PNPLA5: variants seen among roughly 807,000 people sequenced by gnomAD.
PNPLA5 encodes patatin-like phospholipase domain-containing protein 5.
A neutral mutation model predicts 49.1 loss-of-function variants in PNPLA5; 44 were observed. The observed-to-expected ratio is 0.90, with a 90% CI of 0.70 to 1.15. The LOEUF (loss-of-function observed/expected upper bound fraction) is 1.15, where lower values mean the gene tolerates loss of function less well. Ranked by LOEUF, PNPLA5 falls within the 50% of genes most tolerant of loss-of-function variation. The pLI, the probability that PNPLA5 is intolerant of heterozygous loss-of-function variation, is 0.00. For synonymous variants in PNPLA5, 243 were observed against 244.4 expected, an observed-to-expected ratio of 0.99 and a Z score of 0.06; for missense variants, 603 against 564.0, an observed-to-expected ratio of 1.07 and a Z score of -0.70.
intron 6 of PNPLA5, among the ~76,000 whole-genome samples, chr22:43,884,714 C>G (rs1339215152): frequency 1.6e-5 from 2 of 127,054 alleles, no homozygotes; most frequent in African/African-American, 5.4e-5. Context: ...GACAGATGCT[C>G]TCACCACACT....
chr22:43,886,374 T>G lies in PNPLA5; in HGVS notation c.878A>C (p.Asn293Thr). 1 of 1,614,130 alleles carries G rather than the reference T, an allele frequency of 6.2e-7. No homozygotes were observed. ...GACTTGCACATGGGGCACTTTCCAG[T>G]TGAGAGACAGGCCCCCCTTCCAGCG... ...DQRWKGGLSL[N>T]WKVPHVQVKD... The change falls in exon 6 of 9, where the codon AAC becomes ACC. Residue 293 changes from asparagine to threonine, a missense_variant. Physicochemically the swap from Asn to Thr is moderately conservative, Grantham distance 65. Coordinates refer to ENST00000216177, the MANE Select transcript of PNPLA5 (RefSeq NM_138814.4).
Position 43,887,728 on chromosome 22 carries a change from T to C in PNPLA5, c.703-77A>G, listed in dbSNP as rs868340572. 57 of 1,550,918 alleles carry C rather than the reference T, an allele frequency of 3.7e-5. 1 individual carries two copies. The Middle Eastern group carries it at 1.5e-3, about 41-fold the overall frequency. On this transcript the variant is annotated intron_variant, in intron 4 of 8. Coordinates refer to ENST00000216177, the MANE Select transcript of PNPLA5 (RefSeq NM_138814.4). ...CGAGTGGATGTCACAGGCCAGAGAC[T>C]TATCTTCAACTGGAAATAGTCCCAG...
chr22:43,881,863 G>T, intron 7 of PNPLA5, 189 bp from the exon 8 acceptor site: 1 of 695,830 alleles, frequency 1.4e-6, no homozygotes, highest in Non-Finnish European at 1.8e-6. Flanking sequence ...CACCTGCAGG[G>T]TTGGAAAGAT....
chr22:43,889,961 A>G (rs1304417122), intron 2 of PNPLA5, 97 bp from the exon 3 acceptor site: 3 of 1,525,528 alleles, frequency 2.0e-6, no homozygotes, highest in Non-Finnish European at 2.6e-6. Flanking sequence ...CCTGCAAAGG[A>G]GGTGTCATCA....
chr22:43,889,283 C>A, intron 4 of PNPLA5, 46 bp downstream of exon 4: 1 of 1,603,760 alleles, frequency 6.2e-7, no homozygotes, highest in South Asian at 1.1e-5. Context: ...TCACGGGGCC[C>A]TTGACCTTGG....
chr22:43,884,761 C>G (rs2049645163), intron 6 of PNPLA5, among the ~76,000 whole-genome samples: 1 of 152,168 alleles, frequency 6.6e-6, no homozygotes. Flanking sequence ...TATTAATAAC[C>G]ACAGCCACAA....
chr22:43,891,781 G>A lies in PNPLA5; in HGVS notation c.100C>T (p.Arg34Ter). ...HVGATECLRQ[R>*]APRLLQGARR... ...GCGCCCTGGAGGAGGCGCGGGGCTC[G>A]CTGGCGCAGGCATTCGGTGGCGCCC... is the stretch of plus-strand genomic sequence containing the variant. Residue 34 changes from arginine (R) to a stop codon, truncating the protein, a stop_gained, in exon 1 of 9, where the codon CGA (arginine) becomes TGA (stop). Transcript: ENST00000216177. LOFTEE classifies it high-confidence loss of function. 6.5e-7 allele frequency: 1 copy of A among 1,529,240 alleles called. No homozygotes were observed. 94.7% of individuals were successfully genotyped at this position (1,529,240 alleles called of 1,614,324 possible). A position where few individuals can be genotyped will look rare whatever the true frequency, so the allele number is the denominator to read the frequency against.
chr22:43,887,761 T>G (rs2049680819), intron 4 of PNPLA5, 110 bp from the exon 5 acceptor site: 2 of 1,533,946 alleles, frequency 1.3e-6, no homozygotes, highest in African/African-American at 1.4e-5. Context: ...CAGCCCAGCC[T>G]ATTCTCCCCA....
intron 6 of PNPLA5, 130 bp downstream of exon 6, chr22:43,886,173 A>G: frequency 2.0e-6 from 2 of 1,014,664 alleles, no homozygotes; most frequent in East Asian, 2.7e-5. Context: ...CACACTTGGC[A>G]TTTAGTAGGT....
chr22:43,884,101 C>G, intron 7 of PNPLA5, 112 bp downstream of exon 7: 2 of 848,362 alleles, frequency 2.4e-6, no homozygotes, highest in Non-Finnish European at 3.5e-6. Context: ...CAGCCGGGCT[C>G]CCCCCACCCC....
chr22:43,884,718 C>T (rs995204860), intron 6 of PNPLA5, among the ~76,000 whole-genome samples: 1 of 114,244 alleles, frequency 8.8e-6, no homozygotes, highest in South Asian at 3.8e-4. Flanking sequence ...GATGCTCTCA[C>T]CACACTCTCT....
chr22:43,885,623 G>C (rs920871417), intron 6 of PNPLA5, among the ~76,000 whole-genome samples: 24 of 152,128 alleles, frequency 1.6e-4, no homozygotes, highest in African/African-American at 4.8e-4. Context: ...CTCTTTTCCA[G>C]CTTCACTTAG....
At chr22:43,881,532 C>G (rs545159331) in intron 8 of PNPLA5, 26 bp downstream of exon 8, 3 of 1,553,332 alleles carry the variant, frequency 1.9e-6, no homozygotes, top group Non-Finnish European at 2.6e-6. Flanking sequence ...CACCCCCTCT[C>G]CATCCCTGCC....
At position 43,886,443 on chromosome 22, in the gene PNPLA5, G is replaced by C; in HGVS notation, c.809C>G (p.Pro270Arg). ...CCAGTTTCCGTCAGCCGGGGCTGGG[G>C]GTTCCTTAGACACCAGCGTCCATAG... ...PVLWTLVSKEPPAPADGNWDA... is the reference protein window; with the variant it reads ...PVLWTLVSKERPAPADGNWDA... Residue 270 changes from proline to arginine, a missense_variant, in exon 6 of 9, where the codon CCC (proline) becomes CGC (arginine). Transcript: ENST00000216177. 1 of 1,614,082 alleles carries C rather than the reference G, an allele frequency of 6.2e-7. No homozygotes were observed. The highest frequency in any genetic ancestry group is 8.5e-7 in the Non-Finnish European group (1 of 1,179,990).
Position 43,880,859 on chromosome 22 carries a change from G to C in PNPLA5, c.1226C>G (p.Thr409Arg). The change falls in exon 9 of 9, where the codon ACA becomes AGA. Residue 409 changes from threonine (T) to arginine (R), a missense_variant. By Grantham distance (71) the Thr-to-Arg change is moderately conservative (BLOSUM62 -1). Coordinates refer to ENST00000216177, the MANE Select transcript of PNPLA5 (RefSeq NM_138814.4). ...ISPPATRVLE[T>R]SPLQPQIAPH... is the part of the protein sequence containing the mutation. ...AGCTATCTGGGGTTGGAGGGGGCTT[G>C]TTTCCAGGACGCGAGTGGCCGGAGG... 7.5e-7 allele frequency: 1 copy of C among 1,339,982 alleles called. No individual in the cohort carries two copies. The highest frequency in any genetic ancestry group is 9.6e-7 in the Non-Finnish European group (1 of 1,037,496). The allele number at this position is 1,339,982 out of a possible 1,614,324, so 83.0% of individuals were successfully genotyped here.
chr22:43,880,592 C>T lies in PNPLA5; in HGVS notation c.*203G>A. 2.4e-6 allele frequency: 1 copy of T among 424,490 alleles called. No homozygotes were observed. Among genetic ancestry groups the T allele is most frequent in the Admixed American group, 4.4e-5 (1 of 22,756 alleles). 26.3% of individuals were successfully genotyped at this position (424,490 alleles called of 1,614,324 possible). On this transcript the variant is annotated 3_prime_UTR_variant, in exon 9 of 9. Transcript: ENST00000216177. Reference sequence around the variant, plus strand: ...CCTTTCTCTCCCTGATGAGACGGGGCAAGAGGGAGGGCAGGTGACCTGGGT... The same window carrying T: ...CCTTTCTCTCCCTGATGAGACGGGGTAAGAGGGAGGGCAGGTGACCTGGGT...
intron 6 of PNPLA5, 70 bp downstream of exon 6, chr22:43,886,233 C>T (rs111695197): frequency 3.7e-5 from 56 of 1,514,696 alleles, no homozygotes; most frequent in Middle Eastern, 1.8e-4. Context: ...GCCTTCAAGG[C>T]AGGGTCCCTG....
chr22:43,886,548 G>C, intron 5 of PNPLA5, 60 bp from the exon 6 acceptor site: 3 of 1,547,964 alleles, frequency 1.9e-6, no homozygotes, highest in Non-Finnish European at 2.6e-6. Flanking sequence ...GGCGCCCCAT[G>C]CTGCCCACAT....
intron 3 of PNPLA5, 113 bp downstream of exon 3, chr22:43,889,686 C>T (rs748803118): frequency 5.3e-6 from 8 of 1,516,828 alleles, no homozygotes; most frequent in Non-Finnish European, 7.1e-6. Context: ...AGGGGGAGGG[C>T]CTGGCACACA....
Sources: gnomAD v4.1 joint callset for allele counts (sites outside exome capture counted in the v4.1 genomes callset) on GRCh38, gnomAD v4.1.1 for gene constraint, MANE v1.5 for transcripts, NCBI Gene and HGNC (gene_info 2026-07-23, HGNC 2026-07-21) for gene names.